CNNM4: variants seen among roughly 807,000 people sequenced by gnomAD.
The protein encoded by CNNM4 is metal transporter CNNM4.
In CNNM4, 32 loss-of-function variants were observed where a neutral mutation model predicts 53.7. The ratio of observed to expected loss-of-function variants is 0.60; its 90% confidence interval spans 0.45 to 0.80. The LOEUF (loss-of-function observed/expected upper bound fraction) is 0.80. Ranked by LOEUF, CNNM4 falls within the 30% of genes least tolerant of loss-of-function variation. CNNM4 has a pLI of 0.00. For missense variants in CNNM4, 784 were observed against 1,022.0 expected, an observed-to-expected ratio of 0.77 and a Z score of 3.17; for synonymous variants, 410 against 440.0, an observed-to-expected ratio of 0.93 and a Z score of 0.85.
At chr2:96,806,620 C>A (rs2079211529) in intron 5 of CNNM4, among the ~76,000 whole-genome samples, 1 of 151,890 alleles carries the variant, frequency 6.6e-6, no homozygotes, top group Non-Finnish European at 1.5e-5. Context: ...CTTCACTTGG[C>A]AATTTGTTAG....
chr2:96,761,924 T>G lies in CNNM4; in HGVS notation c.925T>G (p.Phe309Val). The stretch of plus-strand genomic sequence containing the variant: ...CAACACCATCCTTCTCACCAAATTC[T>G]TTATGCTACTCACCTTCCCCCTCAG... The part of the protein sequence containing the change: ...GANTILLTKF[F>V]MLLTFPLSFP... The change falls in exon 1 of 7, where the codon TTT becomes GTT. Residue 309 changes from phenylalanine to valine, a missense_variant. Phe to Val is a conservative substitution (Grantham distance 50). Coordinates refer to ENST00000377075, the MANE Select transcript of CNNM4 (RefSeq NM_020184.4). The surrounding 1 kb of genome is among the most constrained non-coding windows in gnomAD (Gnocchi z 6.0). The G allele has an allele frequency of 6.2e-7, 1 of 1,614,190 alleles. No individual in the cohort carries two copies. Among genetic ancestry groups the G allele is most frequent in the Non-Finnish European group, 8.5e-7 (1 of 1,180,036 alleles).
chr2:96,780,894 A>G (rs1392725971), intron 1 of CNNM4, among the ~76,000 whole-genome samples: 1 of 139,288 alleles, frequency 7.2e-6, no homozygotes. Context: ...GCGTACCACC[A>G]CACCCAGCTA....
Position 96,797,245 on chromosome 2 carries a change from C to T in CNNM4, c.1546+90C>T. ...AGCTGGAAGGGCCATAGTGCAGGGACACAGGAGGCCTAGCATCCAGAGGCC... is the reference window on the plus strand; with the variant it reads ...AGCTGGAAGGGCCATAGTGCAGGGATACAGGAGGCCTAGCATCCAGAGGCC... On this transcript the variant is annotated intron_variant, in intron 2 of 6. Coordinates refer to ENST00000377075, the MANE Select transcript of CNNM4 (RefSeq NM_020184.4). This position sits in a 1 kb window ranked among gnomAD's most constrained non-coding sequence, Gnocchi z 6.0. The T allele has an allele frequency of 6.4e-7, 1 of 1,558,086 alleles. No homozygotes were observed. Among genetic ancestry groups the T allele is most frequent in the Non-Finnish European group, 8.8e-7 (1 of 1,137,168 alleles).
chr2:96,775,560 G>A (rs780628506), intron 1 of CNNM4, among the ~76,000 whole-genome samples: 5 of 152,154 alleles, frequency 3.3e-5, no homozygotes, highest in African/African-American at 7.2e-5. Context: ...GAATATGCCC[G>A]GGAACGGAAT....
Position 96,761,598 on chromosome 2 carries a change from C to A in CNNM4, c.599C>A (p.Ser200Tyr), listed in dbSNP as rs79424354. The A allele has an allele frequency of 6.2e-7, 1 of 1,614,172 alleles. No homozygotes were observed. Among genetic ancestry groups the A allele is most frequent in the Non-Finnish European group, 8.5e-7 (1 of 1,180,038 alleles). ...TVLLVLSGIF[S>Y]GLNLGLMALD... ...CTGCTGGTGCTGTCGGGCATATTTT[C>A]TGGCCTCAACCTCGGGCTTATGGCC... Residue 200 changes from serine to tyrosine, a missense_variant, in exon 1 of 7, where the codon TCT becomes TAT. By Grantham distance (144) the Ser-to-Tyr change is moderately radical. This residue lies in a region of CNNM4 where 473 missense variants were observed against 624.6 expected (regional missense o/e 0.76). Transcript: ENST00000377075. This position sits in a 1 kb window ranked among gnomAD's most constrained non-coding sequence, Gnocchi z 6.0.
intron 1 of CNNM4, 116 bp from the exon 2 acceptor site, chr2:96,796,896 C>T (rs2079108966): frequency 1.9e-6 from 2 of 1,043,836 alleles, no homozygotes; most frequent in Admixed American, 2.0e-5. Context: ...AAGATAAAAA[C>T]CACCATGACC....
Position 96,799,189 on chromosome 2 carries a change from G to C in CNNM4, c.1814G>C (p.Arg605Pro). 6.2e-7 allele frequency: 1 copy of C among 1,614,158 alleles called. No homozygotes were observed. The highest frequency in any genetic ancestry group is 1.1e-5 in the South Asian group (1 of 91,080). ...KYYARHYLYT[R>P]NKPADYFILI... The stretch of plus-strand genomic sequence containing the variant: ...TACGCCCGCCATTACCTGTACACCC[G>C]AAATAAGCCGGCCGACTACTTCATC... Residue 605 changes from arginine (R) to proline (P), a missense_variant, in exon 4 of 7, where the codon CGA (arginine) becomes CCA (proline). By Grantham distance (103) the Arg-to-Pro change is moderately radical (BLOSUM62 -2). This residue lies in a region of CNNM4 where 307 missense variants were observed against 376.3 expected (regional missense o/e 0.82). Transcript: ENST00000377075.
chr2:96,760,973 C>A lies in CNNM4; in HGVS notation c.-27C>A. 1 of 980,654 alleles carries A rather than the reference C, an allele frequency of 1.0e-6. No homozygotes were observed. Among genetic ancestry groups the A allele is most frequent in the Non-Finnish European group, 1.2e-6 (1 of 819,020 alleles). The allele number at this position is 980,654 out of a possible 1,614,324, so 60.7% of individuals were successfully genotyped here. Reference sequence around the variant, plus strand: ...GGGCCGCGCGGCGTGGCGCGGGGAGCGGCGGCGGCGGCAGAGCCAGAGCAA... The same window carrying A: ...GGGCCGCGCGGCGTGGCGCGGGGAGAGGCGGCGGCGGCAGAGCCAGAGCAA... On this transcript the variant is annotated 5_prime_UTR_variant, in exon 1 of 7. Coordinates refer to ENST00000377075, the MANE Select transcript of CNNM4 (RefSeq NM_020184.4).
intron 1 of CNNM4, among the ~76,000 whole-genome samples, chr2:96,790,987 GC>G (rs2079057659): frequency 6.6e-6 from 1 of 151,690 alleles, no homozygotes; most frequent in Admixed American, 6.6e-5. Flanking sequence ...GGGCATGGTG[GC>G]CTGTGCCTGT....
intron 1 of CNNM4, among the ~76,000 whole-genome samples, chr2:96,782,167 G>A (rs371438686): frequency 2.0e-5 from 3 of 152,240 alleles, no homozygotes; most frequent in South Asian, 2.1e-4. Flanking sequence ...TCGGCCAGGC[G>A]TGGTGGCTCA....
intron 1 of CNNM4, among the ~76,000 whole-genome samples, chr2:96,793,404 A>G (rs1209387593): frequency 6.6e-6 from 1 of 152,178 alleles, no homozygotes; most frequent in South Asian, 2.1e-4. Flanking sequence ...TTAGGCTGGA[A>G]CCTCTGTACG....
At chr2:96,783,140 C>T (rs1451815860) in intron 1 of CNNM4, among the ~76,000 whole-genome samples, 6 of 152,152 alleles carry the variant, frequency 3.9e-5, no homozygotes, top group Non-Finnish European at 7.3e-5. Context: ...AAGAATGGAG[C>T]CTCACAAGGC....
chr2:96,799,084 T>G lies in CNNM4; in HGVS notation c.1709T>G (p.Ile570Arg), dbSNP rs2079133714. 1 of 1,614,050 alleles carries G rather than the reference T, an allele frequency of 6.2e-7. No homozygotes were observed. The highest frequency in any genetic ancestry group is 8.5e-7 in the Non-Finnish European group (1 of 1,180,014). Residue 570 changes from isoleucine to arginine, a missense_variant, in exon 4 of 7, where the codon ATA becomes AGA. Coordinates refer to ENST00000377075, the MANE Select transcript of CNNM4 (RefSeq NM_020184.4). Reference protein sequence around the residue: ...TEVSQFSPSLISEKILLRLLK... With the variant: ...TEVSQFSPSLRSEKILLRLLK... ...GTCTCTCAGTTTAGCCCCTCCCTGATATCAGAGAAGATCCTGCTGCGGCTA... is the reference window on the plus strand; with the variant it reads ...GTCTCTCAGTTTAGCCCCTCCCTGAGATCAGAGAAGATCCTGCTGCGGCTA...
At chr2:96,791,429 C>T (rs1435390015) in intron 1 of CNNM4, among the ~76,000 whole-genome samples, 2 of 151,636 alleles carry the variant, frequency 1.3e-5, no homozygotes, top group Non-Finnish European at 2.9e-5. Context: ...GTCAGGAGCT[C>T]GAGACCAGCC....
At position 96,799,684 on chromosome 2, in the gene CNNM4, C is replaced by G. The variant is rs571435158; in HGVS notation, c.1948+36C>G. 17 of 1,484,074 alleles carry G rather than the reference C, an allele frequency of 1.1e-5. No homozygotes were observed. The African/African-American group carries it at 2.4e-4, about 21-fold the overall frequency. The allele number at this position is 1,484,074 out of a possible 1,614,324, so 91.9% of individuals were successfully genotyped here. On this transcript the variant is annotated intron_variant, in intron 5 of 6. Transcript: ENST00000377075. The stretch of plus-strand genomic sequence containing the variant: ...GGGCATGGTCTTTGCTGCCCTTTGG[C>G]CCCCCTGCAGCTGGGGAGCCATGGA...
intron 1 of CNNM4, among the ~76,000 whole-genome samples, chr2:96,795,019 G>C (rs374256255): frequency 3.3e-5 from 5 of 152,354 alleles, no homozygotes; most frequent in African/African-American, 1.2e-4. Flanking sequence ...CAGATTTTCA[G>C]ATTTGGGATG....
chr2:96,775,660 A>G (rs1019551097), intron 1 of CNNM4, among the ~76,000 whole-genome samples: 3 of 152,154 alleles, frequency 2.0e-5, no homozygotes, highest in Non-Finnish European at 4.4e-5. Flanking sequence ...GGTATTGTTA[A>G]GTATGTGTAT....
Position 96,808,250 on chromosome 2 carries a change from GT to G in CNNM4, c.1949-309del, listed in dbSNP as rs1197274949. On this transcript the variant is annotated intron_variant, in intron 5 of 6. Transcript: ENST00000377075. This position sits in a 1 kb window ranked among gnomAD's most constrained non-coding sequence, Gnocchi z 4.9. Reference sequence around the variant, plus strand: ...TTGTGTTGCCCTTGACTGATTGGTTGTTGTGGGAAACGAGAGATTTTGTAGC... The same window carrying G: ...TTGTGTTGCCCTTGACTGATTGGTTGTGTGGGAAACGAGAGATTTTGTAGC... Among the ~76,000 whole-genome samples the G allele has an allele frequency of 2.6e-5, 4 of 152,168 alleles. No homozygotes were observed. Among genetic ancestry groups the G allele is most frequent in the Non-Finnish European group, 4.4e-5 (3 of 68,022 alleles).
At chr2:96,806,531 A>ACGCGCG (rs1439016674) in intron 5 of CNNM4, among the ~76,000 whole-genome samples, 47 of 140,386 alleles carry the variant, frequency 3.3e-4, no homozygotes, top group South Asian at 8.9e-4. Context: ...ACACACACAC[A>ACGCGCG]CACACGCGCG....
Sources: gnomAD v4.1 joint callset for allele counts (sites outside exome capture counted in the v4.1 genomes callset) on GRCh38, gnomAD v4.1.1 for gene constraint, gnomAD v4.1.1 regional missense constraint, Gnocchi (gnomAD v3.1) non-coding constraint, MANE v1.5 for transcripts, NCBI Gene and HGNC (gene_info 2026-07-23, HGNC 2026-07-21) for gene names.